Variants in CCDC171 observed in about 807,000 individuals in gnomAD.
The protein encoded by CCDC171 is coiled-coil domain containing 171, also known as coiled-coil domain-containing protein 171.
In CCDC171, 177 loss-of-function variants were observed where a neutral mutation model predicts 168.2. That is an observed-to-expected ratio of 1.05 (90% CI 0.93 to 1.19). The LOEUF is 1.19. CCDC171 is among the 50% of genes most tolerant of loss of function. The pLI, the probability that CCDC171 is intolerant of heterozygous loss-of-function variation, is 0.00. For synonymous variants in CCDC171, 687 were observed against 540.8 expected, an observed-to-expected ratio of 1.27 and a Z score of -3.75; for missense variants, 1,991 against 1,539.0, an observed-to-expected ratio of 1.29 and a Z score of -4.91.
chr9:15,700,291 G>T (rs2051611344), intron 11 of CCDC171, among the ~76,000 whole-genome samples: 1 of 152,256 alleles, frequency 6.6e-6, no homozygotes, highest in South Asian at 2.1e-4. Context: ...CGGGTGCTAA[G>T]CCCCTCATTG....
At chr9:16,038,179 C>G (rs10810525), upstream of CCDC171, among the ~76,000 whole-genome samples, 52,699 of 151,886 alleles carry the variant, frequency 0.35, 9,794 homozygotes, top group African/African-American at 0.47. Flanking sequence ...AATTATATAG[C>G]CAGCTAAACT....
intron 1 of CCDC171, among the ~76,000 whole-genome samples, chr9:16,045,678 C>T (rs1024383615): frequency 6.6e-6 from 1 of 152,200 alleles, no homozygotes; most frequent in Non-Finnish European, 1.5e-5. Flanking sequence ...AGAGCCAGAG[C>T]AGCACTTGGG....
At chr9:15,753,636 C>G (rs7035048) in intron 18 of CCDC171, among the ~76,000 whole-genome samples, 7,006 of 152,142 alleles carry the variant, frequency 0.046, 352 homozygotes, top group South Asian at 0.12. Flanking sequence ...AAGGTGGTGT[C>G]TTTACATGCT....
At chr9:15,678,997 C>G (rs7037893) in intron 10 of CCDC171, 101 bp downstream of exon 10, 4 of 840,240 alleles carry the variant, frequency 4.8e-6, no homozygotes, top group Non-Finnish European at 7.2e-6. Context: ...TAATAGTATG[C>G]AAGTTATTTT....
Position 15,724,958 on chromosome 9 carries a change from T to A in CCDC171, c.1674T>A (p.Ala558=). 6.2e-7 allele frequency: 1 copy of A among 1,613,818 alleles called. No individual in the cohort carries two copies. The highest frequency in any genetic ancestry group is 1.3e-5 in the African/African-American group (1 of 75,040). ...SESELQKLSQ[A]FHKDAEEKLT... is the part of the protein sequence containing the mutation. ...GTGAACTGCAGAAGCTTTCCCAGGC[T>A]TTCCATAAGGATGCAGAGGTATTAC... Residue 558 remains alanine, a synonymous_variant, in exon 14 of 26, where the codon GCT becomes GCA. Coordinates refer to ENST00000380701, the MANE Select transcript of CCDC171 (RefSeq NM_173550.4).
At chr9:15,780,819 A>G (rs1195884101) in intron 20 of CCDC171, among the ~76,000 whole-genome samples, 1 of 152,084 alleles carries the variant, frequency 6.6e-6, no homozygotes, top group Non-Finnish European at 1.5e-5. Flanking sequence ...GTGTCATATG[A>G]ATGTATCAAA....
intron 9 of CCDC171, among the ~76,000 whole-genome samples, chr9:15,674,252 T>G (rs953431766): frequency 3.3e-5 from 5 of 152,154 alleles, no homozygotes; most frequent in African/African-American, 1.2e-4. Context: ...TTCTCTCTTT[T>G]CTTGTTTATT....
At chr9:16,045,770 T>C (rs879738349) in intron 1 of CCDC171, among the ~76,000 whole-genome samples, 1 of 152,152 alleles carries the variant, frequency 6.6e-6, no homozygotes, top group Non-Finnish European at 1.5e-5. Context: ...ATAAAACCAA[T>C]GAAAATATTT....
At chr9:15,661,497 A>G (rs1378670206) in intron 8 of CCDC171, among the ~76,000 whole-genome samples, 5 of 152,176 alleles carry the variant, frequency 3.3e-5, no homozygotes, top group Non-Finnish European at 7.3e-5. Context: ...TCTCAGTGCT[A>G]TGACTTAGAA....
intron 18 of CCDC171, among the ~76,000 whole-genome samples, chr9:15,747,596 T>A (rs979426990): frequency 6.6e-6 from 1 of 152,164 alleles, no homozygotes; most frequent in African/African-American, 2.4e-5. Context: ...CCGCTGGTGA[T>A]ACCTAGGCAC....
chr9:15,556,375 A>G (rs2038800033), intron 1 of CCDC171, among the ~76,000 whole-genome samples: 2 of 151,960 alleles, frequency 1.3e-5, no homozygotes, highest in South Asian at 2.1e-4. Context: ...AAGTGTTCCT[A>G]TTTCTCCACA....
intron 24 of CCDC171, among the ~76,000 whole-genome samples, chr9:15,888,419 A>G (rs1194817893): frequency 6.6e-6 from 1 of 152,214 alleles, no homozygotes; most frequent in African/African-American, 2.4e-5. Context: ...AATTCATGCC[A>G]TACACTACTA....
intron 24 of CCDC171, chr9:15,885,735 C>T (rs16933728): frequency 2.0e-5 from 3 of 151,958 alleles, no homozygotes; most frequent in Admixed American, 6.6e-5. Context: ...AAACTGACCC[C>T]GATTTGCCCT....
intron 1 of CCDC171, among the ~76,000 whole-genome samples, chr9:16,052,969 C>A (rs1258681182): frequency 6.6e-6 from 1 of 152,186 alleles, no homozygotes; most frequent in East Asian, 1.9e-4. Flanking sequence ...GACTTCCGCT[C>A]TTCCCTAAGA....
At chr9:15,944,339 T>C (rs1295874745) in intron 25 of CCDC171, among the ~76,000 whole-genome samples, 1 of 152,012 alleles carries the variant, frequency 6.6e-6, no homozygotes, top group Non-Finnish European at 1.5e-5. Context: ...AGGCATAATC[T>C]GTGAACATGA....
intron 15 of CCDC171, 64 bp from the exon 16 acceptor site, chr9:15,729,546 G>C: frequency 9.9e-7 from 1 of 1,010,942 alleles, no homozygotes; most frequent in Admixed American, 2.3e-5. Flanking sequence ...ATTTTATTGG[G>C]GGAGATGACA....
intron 21 of CCDC171, among the ~76,000 whole-genome samples, chr9:15,790,402 A>T (rs911292039): frequency 2.0e-5 from 3 of 152,092 alleles, no homozygotes; most frequent in African/African-American, 7.2e-5. Flanking sequence ...TTCTTTTGAG[A>T]AGTGTCTGTT....
chr9:15,618,781 C>A (rs1349778361), intron 6 of CCDC171, among the ~76,000 whole-genome samples: 5 of 152,082 alleles, frequency 3.3e-5, no homozygotes, highest in African/African-American at 1.2e-4. Flanking sequence ...GCTCCTTGCA[C>A]TTCCAGGGTG....
intron 8 of CCDC171, 63 bp from the exon 9 acceptor site, chr9:15,666,100 T>C (rs1345805028): frequency 2.1e-6 from 3 of 1,425,760 alleles, no homozygotes; most frequent in East Asian, 4.6e-5. Context: ...AGTATTCTAC[T>C]CAATTTAAGA....
Sources: gnomAD v4.1 joint callset for allele counts (sites outside exome capture counted in the v4.1 genomes callset) on GRCh38, gnomAD v4.1.1 for gene constraint, MANE v1.5 for transcripts, NCBI Gene and HGNC (gene_info 2026-07-23, HGNC 2026-07-21) for gene names.